The following FOXP1 variants were observed in gnomAD, a reference collection of about 807,000 sequenced individuals.
FOXP1 encodes the protein forkhead box P1.
A neutral mutation model predicts 98.2 loss-of-function variants in FOXP1; 15 were observed. That is an observed-to-expected ratio of 0.15 (90% CI 0.10 to 0.24). The LOEUF (loss-of-function observed/expected upper bound fraction) is 0.24, where lower values mean the gene tolerates loss of function less well. Ranked by LOEUF, FOXP1 falls within the 10% of genes least tolerant of loss-of-function variation. FOXP1 has a pLI of 1.00. For synonymous variants in FOXP1, 371 were observed against 314.5 expected, an observed-to-expected ratio of 1.18 and a Z score of -1.90; for missense variants, 633 against 848.5, an observed-to-expected ratio of 0.75 and a Z score of 3.15.
At chr3:71,473,638 TGAAA>T (rs1214561505) in intron 3 of FOXP1, among the ~76,000 whole-genome samples, 4 of 53,748 alleles carry the variant, frequency 7.4e-5, no homozygotes, top group African/African-American at 2.2e-4. Flanking sequence ...CACCCGCAAA[TGAAA>T]GAAAGAGAAC....
At chr3:71,362,134 A>G (rs570117462) in intron 3 of FOXP1, among the ~76,000 whole-genome samples, 1 of 152,262 alleles carries the variant, frequency 6.6e-6, no homozygotes, top group Admixed American at 6.5e-5. Flanking sequence ...AACTTCACTA[A>G]CTGTATGATA....
intron 5 of FOXP1, among the ~76,000 whole-genome samples, chr3:71,248,791 T>C (rs1269399663): frequency 3.3e-5 from 5 of 150,882 alleles, no homozygotes; most frequent in African/African-American, 1.2e-4. Context: ...ACTTAAGAAG[T>C]TCCTCTCCAG....
intron 4 of FOXP1, among the ~76,000 whole-genome samples, chr3:71,315,439 G>A (rs181951004): frequency 6.6e-6 from 1 of 152,098 alleles, no homozygotes; most frequent in Non-Finnish European, 1.5e-5. Flanking sequence ...GAACAGATTT[G>A]GGATAAACTG....
At chr3:71,235,461 G>C (rs559165154) in intron 5 of FOXP1, among the ~76,000 whole-genome samples, 29 of 152,308 alleles carry the variant, frequency 1.9e-4, no homozygotes, top group African/African-American at 7.0e-4. Context: ...TTTCTTACCT[G>C]CCTTTATGTA....
chr3:71,350,734 A>G (rs1166030968), intron 4 of FOXP1, among the ~76,000 whole-genome samples: 1 of 152,208 alleles, frequency 6.6e-6, no homozygotes, highest in Non-Finnish European at 1.5e-5. Context: ...ACCATATGAT[A>G]TTTAAAGGTT....
chr3:71,267,124 A>AGAGAGTGT (rs142661368), intron 5 of FOXP1, among the ~76,000 whole-genome samples: 2,859 of 148,390 alleles, frequency 0.019, 87 homozygotes, highest in African/African-American at 0.065. Context: ...TATGGGAGAG[A>AGAGAGTGT]GTGTGTGTGT....
chr3:71,228,180 A>C (rs527430824), intron 5 of FOXP1, among the ~76,000 whole-genome samples: 1 of 152,110 alleles, frequency 6.6e-6, no homozygotes, highest in Non-Finnish European at 1.5e-5. Context: ...GAAAGAGAGG[A>C]TATTTAGGGA....
chr3:71,290,502 C>G (rs1010344335), intron 5 of FOXP1, among the ~76,000 whole-genome samples: 6 of 152,180 alleles, frequency 3.9e-5, no homozygotes, highest in African/African-American at 1.4e-4. Context: ...GGCCTCCTGA[C>G]AGGTCTCCCT....
intron 3 of FOXP1, among the ~76,000 whole-genome samples, chr3:71,465,714 G>A (rs1413435623): frequency 6.6e-6 from 1 of 152,134 alleles, no homozygotes; most frequent in African/African-American, 2.4e-5. Flanking sequence ...ATCCATCTAA[G>A]CTAGGGGTCC....
intron 5 of FOXP1, among the ~76,000 whole-genome samples, chr3:71,239,980 T>C (rs988911086): frequency 2.0e-5 from 3 of 152,148 alleles, no homozygotes; most frequent in Non-Finnish European, 2.9e-5. Flanking sequence ...GGGGGCAGGG[T>C]TGACAATCAA....
At chr3:71,113,180 C>A (rs2058079914) in intron 6 of FOXP1, among the ~76,000 whole-genome samples, 1 of 152,112 alleles carries the variant, frequency 6.6e-6, no homozygotes, top group Non-Finnish European at 1.5e-5. Flanking sequence ...ACAGATGAGA[C>A]ATACCTAGGA....
At chr3:71,191,756 G>A (rs1215661331) in intron 6 of FOXP1, among the ~76,000 whole-genome samples, 1 of 152,138 alleles carries the variant, frequency 6.6e-6, no homozygotes, top group Admixed American at 6.5e-5. Flanking sequence ...AGAACATGTT[G>A]GGGGGTCAGT....
At chr3:71,411,828 C>A (rs2082772461) in intron 3 of FOXP1, among the ~76,000 whole-genome samples, 1 of 152,172 alleles carries the variant, frequency 6.6e-6, no homozygotes, top group Non-Finnish European at 1.5e-5. Context: ...GGCAAGTCAC[C>A]TCATCTCCAT....
chr3:71,064,861 G>T, intron 7 of FOXP1: 1 of 978,412 alleles, frequency 1.0e-6, no homozygotes, highest in Non-Finnish European at 1.2e-6. Flanking sequence ...GCGCGGAGCC[G>T]GGCTCGGGGC....
chr3:71,082,482 G>A (rs950588029), intron 7 of FOXP1, among the ~76,000 whole-genome samples: 1 of 151,028 alleles, frequency 6.6e-6, no homozygotes, highest in African/African-American at 2.4e-5. Context: ...GTCAGGGGGT[G>A]GGGGGTAGGG....
Position 71,373,079 on chromosome 3 carries a change from C to A in FOXP1, c.-167-13835G>T, listed in dbSNP as rs181732329. Among the ~76,000 whole-genome samples, 693 of 152,272 alleles carry A rather than the reference C, an allele frequency of 4.6e-3. 1 individual carries two copies. The highest frequency in any genetic ancestry group is 7.6e-3 in the Non-Finnish European group (515 of 68,012). On this transcript the variant is annotated intron_variant, in intron 3 of 20. Transcript: ENST00000649528. ...GCACGCTGAGCTCCTCTACCCTGGA[C>A]GACTCCGAAAAACCACTTGTAAGTA...
At chr3:71,322,847 C>G (rs768597430) in intron 4 of FOXP1, among the ~76,000 whole-genome samples, 17 of 152,156 alleles carry the variant, frequency 1.1e-4, no homozygotes, top group Non-Finnish European at 1.9e-4. Context: ...TGACAAAGTA[C>G]AGCAGTGGCG....
At chr3:71,537,304 A>C (rs1461460954) in intron 2 of FOXP1, among the ~76,000 whole-genome samples, 1 of 152,188 alleles carries the variant, frequency 6.6e-6, no homozygotes, top group Non-Finnish European at 1.5e-5. Flanking sequence ...TTGCCTTCCC[A>C]GAAGGAGTGA....
At chr3:70,999,853 G>T (rs1333580646) in intron 13 of FOXP1, among the ~76,000 whole-genome samples, 3 of 152,146 alleles carry the variant, frequency 2.0e-5, no homozygotes, top group Non-Finnish European at 2.9e-5. Flanking sequence ...CAGCATCGCT[G>T]TCTTGCATAC....
Sources: allele counts gnomAD v4.1 joint callset (sites outside exome capture counted in the v4.1 genomes callset), GRCh38; gene constraint gnomAD v4.1.1; transcripts MANE v1.5; gene names NCBI Gene and HGNC (gene_info 2026-07-23, HGNC 2026-07-21).